GHR: variants seen among roughly 807,000 people sequenced by gnomAD.
GHR encodes GH receptor.
Under a neutral mutation model 67.1 loss-of-function variants are expected in GHR, and 35 were observed. The observed-to-expected ratio is 0.52, with a 90% confidence interval of 0.40 to 0.69. GHR has a LOEUF of 0.69. GHR is among the 30% of genes least tolerant of loss of function. GHR has a pLI of 0.00. For missense variants in GHR, 792 were observed against 764.6 expected (o/e 1.04, Z -0.42); for synonymous variants, 272 against 269.1 (o/e 1.01, Z -0.10).
At chr5:42,486,626 T>C (rs1224624201) in intron 1 of GHR, among the ~76,000 whole-genome samples, 1 of 152,138 alleles carries the variant, frequency 6.6e-6, no homozygotes, top group Non-Finnish European at 1.5e-5. Context: ...GGCAGGTGGA[T>C]CACGATGTCA....
chr5:42,530,411 C>T (rs1177443620), intron 1 of GHR, among the ~76,000 whole-genome samples: 2 of 152,140 alleles, frequency 1.3e-5, no homozygotes. Flanking sequence ...TGGAAGAAAA[C>T]ACTAACACTG....
intron 1 of GHR, among the ~76,000 whole-genome samples, chr5:42,462,508 A>T (rs935545997): frequency 2.6e-5 from 4 of 152,240 alleles, no homozygotes; most frequent in Non-Finnish European, 5.9e-5. Context: ...TTGTCATAAT[A>T]TGTAAATGAA....
chr5:42,691,626 A>G (rs10941583), intron 4 of GHR, among the ~76,000 whole-genome samples: 103,161 of 152,172 alleles, frequency 0.68, 36,254 homozygotes, highest in East Asian at 0.86. Context: ...GTCAGTGGGC[A>G]GTGCAGTTGT....
At chr5:42,680,991 C>T (rs1756837661) in intron 3 of GHR, among the ~76,000 whole-genome samples, 1 of 151,880 alleles carries the variant, frequency 6.6e-6, no homozygotes, top group African/African-American at 2.4e-5. Context: ...AATGTTAGGC[C>T]TAAAACCATA....
intron 8 of GHR, among the ~76,000 whole-genome samples, chr5:42,716,901 A>G (rs2111853709): frequency 6.6e-6 from 1 of 152,310 alleles, no homozygotes; most frequent in South Asian, 2.1e-4. Flanking sequence ...TCTGGTTACC[A>G]CCTCTTCATG....
chr5:42,467,054 G>T, intron 1 of GHR: 1 of 1,577,964 alleles, frequency 6.3e-7, no homozygotes, highest in Non-Finnish European at 8.7e-7. Context: ...CACATGTAAG[G>T]TTTTTCTCCA....
intron 1 of GHR, among the ~76,000 whole-genome samples, chr5:42,453,679 T>C (rs1258867198): frequency 6.6e-6 from 1 of 152,214 alleles, no homozygotes; most frequent in Non-Finnish European, 1.5e-5. Flanking sequence ...CATGCAGGCC[T>C]GAATCTGGGG....
chr5:42,585,592 G>A (rs973320065), intron 2 of GHR, among the ~76,000 whole-genome samples: 1 of 152,156 alleles, frequency 6.6e-6, no homozygotes, highest in Non-Finnish European at 1.5e-5. Context: ...TTTGCTGCAC[G>A]TTTTTTAAAG....
chr5:42,651,413 G>A (rs182563330), intron 3 of GHR, among the ~76,000 whole-genome samples: 17 of 152,270 alleles, frequency 1.1e-4, no homozygotes, highest in South Asian at 6.2e-4. Context: ...GCTTTGGTGC[G>A]TGGTAGCCCA....
chr5:42,647,322 C>G (rs1754786904), intron 3 of GHR, among the ~76,000 whole-genome samples: 1 of 151,990 alleles, frequency 6.6e-6, no homozygotes. Flanking sequence ...CACCTGTAAT[C>G]CCAGCACTTT....
At chr5:42,468,084 G>C in intron 1 of GHR, 1 of 1,022,826 alleles carries the variant, frequency 9.8e-7, no homozygotes, top group African/African-American at 1.6e-5. Flanking sequence ...GCTTCCTCAC[G>C]TATCTCAGTT....
At chr5:42,459,511 T>C (rs1303206564) in intron 1 of GHR, among the ~76,000 whole-genome samples, 4 of 152,160 alleles carry the variant, frequency 2.6e-5, no homozygotes, top group Non-Finnish European at 5.9e-5. Flanking sequence ...GGGGCCTACT[T>C]GTGGGTAGAG....
intron 2 of GHR, among the ~76,000 whole-genome samples, chr5:42,608,555 C>T (rs1322438246): frequency 6.6e-6 from 1 of 152,024 alleles, no homozygotes; most frequent in East Asian, 1.9e-4. Context: ...AAGTGACATA[C>T]ACACTGGTCA....
chr5:42,599,076 T>C (rs1055854999), intron 2 of GHR, among the ~76,000 whole-genome samples: 6 of 152,224 alleles, frequency 3.9e-5, no homozygotes, highest in Non-Finnish European at 5.9e-5. Context: ...AAGTATAAAG[T>C]TGAAATATTG....
At chr5:42,675,050 C>G (rs990990791) in intron 3 of GHR, among the ~76,000 whole-genome samples, 3 of 152,098 alleles carry the variant, frequency 2.0e-5, no homozygotes, top group Non-Finnish European at 2.9e-5. Context: ...ATCTAAGATG[C>G]CTTTTACCCT....
intron 1 of GHR, among the ~76,000 whole-genome samples, chr5:42,520,632 A>G (rs1474738447): frequency 1.3e-5 from 2 of 152,142 alleles, no homozygotes; most frequent in African/African-American, 4.8e-5. Context: ...CTTTTACAAG[A>G]ATGGGTACTT....
intron 3 of GHR, among the ~76,000 whole-genome samples, chr5:42,680,254 A>G (rs1342173857): frequency 6.6e-6 from 1 of 152,200 alleles, no homozygotes; most frequent in Non-Finnish European, 1.5e-5. Flanking sequence ...TCGGCTGACA[A>G]TAAGTATTTC....
intron 3 of GHR, among the ~76,000 whole-genome samples, chr5:42,634,781 C>T (rs1038824030): frequency 3.9e-5 from 6 of 152,220 alleles, no homozygotes; most frequent in Non-Finnish European, 7.4e-5. Flanking sequence ...TCTTGGATAA[C>T]GTTGCAGGAC....
intron 1 of GHR, among the ~76,000 whole-genome samples, chr5:42,462,012 T>A (rs914204537): frequency 9.2e-5 from 14 of 152,310 alleles, no homozygotes; most frequent in East Asian, 7.7e-4. Flanking sequence ...TCCTGTCCTG[T>A]CAGAAACATG....
Sources: allele counts gnomAD v4.1 joint callset (sites outside exome capture counted in the v4.1 genomes callset), GRCh38; gene constraint gnomAD v4.1.1; transcripts MANE v1.5; gene names NCBI Gene and HGNC (gene_info 2026-07-23, HGNC 2026-07-21).